Variants in EPM2A observed in about 807,000 individuals in gnomAD.
EPM2A encodes the protein laforin.
In EPM2A, 21 loss-of-function variants were observed where a neutral mutation model predicts 26.5. The ratio of observed to expected loss-of-function variants is 0.79; its 90% CI spans 0.56 to 1.14. The LOEUF is 1.14. EPM2A is among the 50% of genes most tolerant of loss of function. The probability of loss-of-function intolerance (pLI) is 0.00; values close to 1 mark genes in which losing one functional copy is unlikely to be tolerated. For synonymous variants in EPM2A, 217 were observed against 177.6 expected (o/e 1.22, Z -1.76); for missense variants, 458 against 440.8 (o/e 1.04, Z -0.35).
intron 2 of EPM2A, among the ~76,000 whole-genome samples, chr6:145,646,578 C>T (rs1336085038): frequency 2.0e-5 from 3 of 151,992 alleles, no homozygotes; most frequent in African/African-American, 7.3e-5. Flanking sequence ...TCTTACCATG[C>T]TTCCGTCCCC....
chr6:145,409,422 T>C (rs749524436), intron 4 of EPM2A, among the ~76,000 whole-genome samples: 2 of 152,182 alleles, frequency 1.3e-5, no homozygotes, highest in African/African-American at 2.4e-5. Flanking sequence ...TAGAAGTCAA[T>C]AAATATTGCT....
intron 4 of EPM2A, among the ~76,000 whole-genome samples, chr6:145,428,512 A>G (rs759247317): frequency 1.3e-5 from 2 of 152,124 alleles, no homozygotes; most frequent in Admixed American, 1.3e-4. Flanking sequence ...AGCACTAGCT[A>G]CTCCTCATTG....
At chr6:145,580,583 C>T (rs1781099910) in intron 2 of EPM2A, among the ~76,000 whole-genome samples, 1 of 152,020 alleles carries the variant, frequency 6.6e-6, no homozygotes, top group Admixed American at 6.6e-5. Flanking sequence ...AATTTCAAAT[C>T]AAGAGGGTTT....
At chr6:145,582,065 T>C (rs1781121773) in intron 2 of EPM2A, among the ~76,000 whole-genome samples, 1 of 152,188 alleles carries the variant, frequency 6.6e-6, no homozygotes, top group African/African-American at 2.4e-5. Context: ...AACTTTCTTA[T>C]GTGGGTGTTT....
At chr6:145,495,787 G>A (rs931616297) in intron 4 of EPM2A, among the ~76,000 whole-genome samples, 1 of 152,130 alleles carries the variant, frequency 6.6e-6, no homozygotes, top group African/African-American at 2.4e-5. Flanking sequence ...ATATTGGCCG[G>A]GTTGGACAGG....
At chr6:145,733,594 T>C (rs1342216045) in intron 1 of EPM2A, among the ~76,000 whole-genome samples, 1 of 152,268 alleles carries the variant, frequency 6.6e-6, no homozygotes, top group South Asian at 2.1e-4. Context: ...TTTCACACCA[T>C]TTCCATTTTT....
At chr6:145,593,569 T>C (rs1322348190) in intron 2 of EPM2A, among the ~76,000 whole-genome samples, 1 of 151,982 alleles carries the variant, frequency 6.6e-6, no homozygotes, top group East Asian at 1.9e-4. Context: ...AACATAAAAA[T>C]TATATAAAGT....
intron 4 of EPM2A, among the ~76,000 whole-genome samples, chr6:145,420,955 A>C (rs1347776593): frequency 1.3e-5 from 2 of 152,182 alleles, no homozygotes; most frequent in Non-Finnish European, 2.9e-5. Flanking sequence ...TCCATTTATG[A>C]GAGCAGAGCC....
intron 4 of EPM2A, among the ~76,000 whole-genome samples, chr6:145,411,720 C>A (rs890644570): frequency 6.6e-6 from 1 of 152,160 alleles, no homozygotes; most frequent in Non-Finnish European, 1.5e-5. Flanking sequence ...ACATGCCAAG[C>A]ATTTTATATA....
chr6:145,625,545 TA>T lies in EPM2A; in HGVS notation c.*1870del. On this transcript the variant is annotated 3_prime_UTR_variant, in exon 4 of 4. Transcript: ENST00000367519. ...AAGAAATTCACAGACCCACATAGTT[TA>T]AAAATTTAATTTTTAAGATTAAATT... 1 of 621,920 alleles carries T rather than the reference TA, an allele frequency of 1.6e-6. No individual in the cohort carries two copies. Among genetic ancestry groups the T allele is most frequent in the Non-Finnish European group, 2.9e-6 (1 of 344,242 alleles). The allele number at this position is 621,920 out of a possible 1,614,324, so 38.5% of individuals were successfully genotyped here. A position where few individuals can be genotyped will look rare whatever the true frequency, so the allele number is the denominator to read the frequency against.
intron 2 of EPM2A, among the ~76,000 whole-genome samples, chr6:145,577,259 A>G (rs149967730): frequency 1.8e-4 from 28 of 152,104 alleles, no homozygotes; most frequent in African/African-American, 6.5e-4. Context: ...AAGAAGTAAG[A>G]TTCAATTATA....
intron 4 of EPM2A, among the ~76,000 whole-genome samples, chr6:145,429,213 T>C (rs991593734): frequency 6.6e-6 from 1 of 152,216 alleles, no homozygotes; most frequent in Non-Finnish European, 1.5e-5. Flanking sequence ...TTTCCTAGAA[T>C]ACTGTTCACC....
intron 1 of EPM2A, among the ~76,000 whole-genome samples, chr6:145,699,593 G>T (rs926576421): frequency 6.6e-6 from 1 of 152,164 alleles, no homozygotes; most frequent in African/African-American, 2.4e-5. Flanking sequence ...AAGAGTACAA[G>T]AATGTATGAA....
chr6:145,654,535 A>C (rs938895841), intron 2 of EPM2A, among the ~76,000 whole-genome samples: 1 of 152,194 alleles, frequency 6.6e-6, no homozygotes, highest in African/African-American at 2.4e-5. Context: ...AAAAGTTTTG[A>C]TCTGCCATAC....
intron 4 of EPM2A, among the ~76,000 whole-genome samples, chr6:145,450,900 T>C (rs1779187976): frequency 6.6e-6 from 1 of 152,156 alleles, no homozygotes; most frequent in South Asian, 2.1e-4. Context: ...GTCTTTTTTT[T>C]TTCTTTTTTT....
At chr6:145,730,566 C>T (rs950305620) in intron 1 of EPM2A, among the ~76,000 whole-genome samples, 5 of 152,150 alleles carry the variant, frequency 3.3e-5, no homozygotes, top group Non-Finnish European at 5.9e-5. Flanking sequence ...AAGCCAAGAC[C>T]TGAGAAAAGC....
At chr6:145,459,846 T>A (rs12190323) in intron 4 of EPM2A, among the ~76,000 whole-genome samples, 1 of 152,098 alleles carries the variant, frequency 6.6e-6, no homozygotes, top group Admixed American at 6.6e-5. Flanking sequence ...TATAATCTAC[T>A]TTAGGAAGTG....
intron 4 of EPM2A, among the ~76,000 whole-genome samples, chr6:145,457,812 T>A (rs566180249): frequency 6.6e-6 from 1 of 152,326 alleles, no homozygotes; most frequent in East Asian, 1.9e-4. Flanking sequence ...GTGATTCACA[T>A]GATAAAACCT....
chr6:145,612,405 G>T (rs530255448), intron 2 of EPM2A, among the ~76,000 whole-genome samples: 6 of 152,208 alleles, frequency 3.9e-5, no homozygotes, highest in African/African-American at 1.4e-4. Flanking sequence ...GTGGGAAGAA[G>T]AAAATAATTA....
Sources: allele counts gnomAD v4.1 joint callset (sites outside exome capture counted in the v4.1 genomes callset), GRCh38; gene constraint gnomAD v4.1.1; transcripts MANE v1.5; gene names NCBI Gene and HGNC (gene_info 2026-07-23, HGNC 2026-07-21).